Variants in EIF4E3 observed in about 807,000 individuals in gnomAD.
The protein encoded by EIF4E3 is eukaryotic translation initiation factor 4E family member 3.
EIF4E3 carries 26 observed loss-of-function variants against 31.7 expected under a neutral mutation model. The ratio of observed to expected loss-of-function variants is 0.82; its 90% confidence interval spans 0.60 to 1.14. The LOEUF is 1.14. EIF4E3 is among the 50% of genes most tolerant of loss of function. EIF4E3 has a pLI of 0.00. For missense variants in EIF4E3, 304 were observed against 270.9 expected (o/e 1.12, Z -0.86); for synonymous variants, 128 against 107.7 (o/e 1.19, Z -1.17).
rs60907925 is a variant in EIF4E3 at position 71,715,939 on chromosome 3, T to C, written c.177-5455A>G. Among the ~76,000 whole-genome samples, 1,118 of 152,338 alleles carry C rather than the reference T, an allele frequency of 7.3e-3. 9 individuals carry two copies. The highest frequency in any genetic ancestry group is 0.026 in the African/African-American group (1,070 of 41,568). The stretch of plus-strand genomic sequence containing the variant: ...GTTCTTCTCCTGGTCTATCTGGCTC[T>C]GAGGCCCATGACCTTCCCCTTAAAC... On this transcript the variant is annotated intron_variant, in intron 1 of 6. Coordinates refer to ENST00000425534, the MANE Select transcript of EIF4E3 (RefSeq NM_001134651.2).
At chr3:71,736,368 T>C (rs1454310050) in intron 1 of EIF4E3, among the ~76,000 whole-genome samples, 1 of 152,236 alleles carries the variant, frequency 6.6e-6, no homozygotes, top group Non-Finnish European at 1.5e-5. Flanking sequence ...TTATGGCAGC[T>C]ACATTCATAA....
Position 71,681,472 on chromosome 3 carries a change from C to T in EIF4E3, c.*3210G>A, listed in dbSNP as rs1486841843. 2 of 152,276 alleles carry T rather than the reference C, an allele frequency of 1.3e-5. No individual in the cohort carries two copies. Among genetic ancestry groups the T allele is most frequent in the Non-Finnish European group, 1.5e-5 (1 of 68,110 alleles). The allele number at this position is 152,276 out of a possible 1,614,324, so 9.4% of individuals were successfully genotyped here. A position where few individuals can be genotyped will look rare whatever the true frequency, so the allele number is the denominator to read the frequency against. The stretch of plus-strand genomic sequence containing the variant: ...CCAAACCCCAGCACCACTTCTGTCT[C>T]TGAGAGGGAGAGGGAGAGAAGGAGG... On this transcript the variant is annotated 3_prime_UTR_variant, in exon 7 of 7. Coordinates refer to ENST00000425534, the MANE Select transcript of EIF4E3 (RefSeq NM_001134651.2).
intron 1 of EIF4E3, among the ~76,000 whole-genome samples, chr3:71,712,399 T>C (rs775834397): frequency 3.3e-5 from 5 of 152,174 alleles, no homozygotes; most frequent in African/African-American, 4.8e-5. Flanking sequence ...AGGTTTTATA[T>C]CTTTTTCAGC....
At chr3:71,662,658 G>A in the EIF4E3 span, among the ~76,000 whole-genome samples, 1 of 152,108 alleles carries the variant, frequency 6.6e-6, no homozygotes, top group African/African-American at 2.4e-5. Context: ...CAGCACATGG[G>A]GCTTGGGCTT....
chr3:71,708,353 G>C (rs1001355101), intron 2 of EIF4E3, among the ~76,000 whole-genome samples: 1 of 152,170 alleles, frequency 6.6e-6, no homozygotes, highest in East Asian at 1.9e-4. Flanking sequence ...ACACTTTCTG[G>C]TGTAAGGGAA....
chr3:71,711,860 G>A lies in EIF4E3; in HGVS notation c.177-1376C>T, dbSNP rs2049384278. Among the ~76,000 whole-genome samples the A allele has an allele frequency of 2.6e-5, 4 of 152,206 alleles. No homozygotes were observed. The South Asian group carries it at 8.3e-4, about 32-fold the overall frequency. On this transcript the variant is annotated intron_variant, in intron 1 of 6. Coordinates refer to ENST00000425534, the MANE Select transcript of EIF4E3 (RefSeq NM_001134651.2). ...AAGCCGGGAGTGGTGGTGCTCACCTGCAGTCCCAGCTACTGGGGAGGCTGA... is the reference window on the plus strand; with the variant it reads ...AAGCCGGGAGTGGTGGTGCTCACCTACAGTCCCAGCTACTGGGGAGGCTGA...
chr3:71,662,407 G>C, the EIF4E3 span, among the ~76,000 whole-genome samples: 2 of 152,178 alleles, frequency 1.3e-5, no homozygotes, highest in Non-Finnish European at 2.9e-5. Context: ...GATTACATGA[G>C]CTAATGCACA....
chr3:71,742,913 T>C (rs1471423637), intron 1 of EIF4E3, among the ~76,000 whole-genome samples: 2 of 152,144 alleles, frequency 1.3e-5, no homozygotes, highest in Admixed American at 6.5e-5. Flanking sequence ...TGGAAAGCAT[T>C]TGTCAAAATC....
intron 3 of EIF4E3, among the ~76,000 whole-genome samples, chr3:71,697,540 T>A (rs1332256941): frequency 6.6e-6 from 1 of 152,150 alleles, no homozygotes. Context: ...TTTGTACCCA[T>A]TAACCATCCC....
At chr3:71,705,393 T>C (rs1053424907) in intron 2 of EIF4E3, among the ~76,000 whole-genome samples, 1 of 152,218 alleles carries the variant, frequency 6.6e-6, no homozygotes, top group Non-Finnish European at 1.5e-5. Flanking sequence ...AGGATAGGTT[T>C]GGCATATGCA....
chr3:71,754,188 C>G, upstream of EIF4E3: 1 of 1,434,730 alleles, frequency 7.0e-7, no homozygotes, highest in Non-Finnish European at 9.2e-7. This position sits in a 1 kb window ranked among gnomAD's most constrained non-coding sequence, Gnocchi z 5.8. Flanking sequence ...CGTGCGGGAG[C>G]GCAGCCTGCA....
chr3:71,662,747 T>C, the EIF4E3 span, among the ~76,000 whole-genome samples: 7 of 152,118 alleles, frequency 4.6e-5, no homozygotes, highest in Non-Finnish European at 1.5e-5. Context: ...ACTGGATTTC[T>C]CTTTGCTGAG....
the EIF4E3 span, among the ~76,000 whole-genome samples, chr3:71,666,679 G>A: frequency 6.6e-6 from 1 of 152,236 alleles, no homozygotes; most frequent in Non-Finnish European, 1.5e-5. Context: ...GCTCCTGCCT[G>A]TAATCCCAGC....
At chr3:71,673,901 TATA>T (rs1295776917), downstream of EIF4E3, among the ~76,000 whole-genome samples, 14 of 141,458 alleles carry the variant, frequency 9.9e-5, no homozygotes, top group East Asian at 1.4e-3. Flanking sequence ...AAAATAATAA[TATA>T]ATAATTATAT....
intron 5 of EIF4E3, 48 bp downstream of exon 5, chr3:71,693,827 G>C: frequency 6.8e-7 from 1 of 1,462,218 alleles, no homozygotes; most frequent in Non-Finnish European, 9.1e-7. Flanking sequence ...ACAAGCACAA[G>C]CCAGGAGCAC....
rs911654982 is a variant in EIF4E3, at chr3:71,681,791, C to A, written c.*2891G>T. ...ACCTAAAGTTTCTAAGCTATAAAGT[C>A]TTGTGACTGTGTGCATGGTGTAGAC... On this transcript the variant is annotated 3_prime_UTR_variant, in exon 7 of 7. Transcript: ENST00000425534. The A allele has an allele frequency of 2.0e-5, 3 of 152,154 alleles. No homozygotes were observed. Among genetic ancestry groups the A allele is most frequent in the Non-Finnish European group, 4.4e-5 (3 of 68,026 alleles). 9.4% of individuals were successfully genotyped at this position (152,154 alleles called of 1,614,324 possible). A position where few individuals can be genotyped will look rare whatever the true frequency, so the allele number is the denominator to read the frequency against.
chr3:71,692,144 T>A (rs2049071790), intron 5 of EIF4E3, among the ~76,000 whole-genome samples: 2 of 152,178 alleles, frequency 1.3e-5, no homozygotes. Context: ...GCAGATCCAT[T>A]AGCAAACATG....
chr3:71,696,373 G>A, intron 4 of EIF4E3, 87 bp downstream of exon 4: 1 of 1,454,440 alleles, frequency 6.9e-7, no homozygotes, highest in South Asian at 1.2e-5. Flanking sequence ...AGGTAAATAG[G>A]CTATCTGCAA....
chr3:71,695,223 A>C (rs1358937789), intron 4 of EIF4E3, among the ~76,000 whole-genome samples: 3 of 152,092 alleles, frequency 2.0e-5, no homozygotes, highest in African/African-American at 7.2e-5. Context: ...GGGAGACTTC[A>C]CCCTTCTGCT....
Sources: gnomAD v4.1 joint callset for allele counts (sites outside exome capture counted in the v4.1 genomes callset) on GRCh38, gnomAD v4.1.1 for gene constraint, Gnocchi (gnomAD v3.1) non-coding constraint, MANE v1.5 for transcripts, NCBI Gene and HGNC (gene_info 2026-07-23, HGNC 2026-07-21) for gene names.